Variants in KIAA2012 observed in about 807,000 individuals in gnomAD.
The protein encoded by KIAA2012 is KIAA2012, also known as uncharacterized protein KIAA2012.
KIAA2012 carries 125 observed loss-of-function variants against 150.6 expected under a neutral mutation model. The observed-to-expected ratio is 0.83, with a 90% confidence interval of 0.72 to 0.96. KIAA2012 has a LOEUF of 0.96. KIAA2012 is among the 40% of genes least tolerant of loss of function. The pLI is 0.00. For missense variants in KIAA2012, 1,219 were observed against 1,354.9 expected (o/e 0.90, Z 1.57); for synonymous variants, 462 against 504.7 (o/e 0.92, Z 1.13).
Position 202,073,459 on chromosome 2 carries a change from G to T in KIAA2012, c.-169G>T. 1 of 603,346 alleles carries T rather than the reference G, an allele frequency of 1.7e-6. No individual in the cohort carries two copies. The highest frequency in any genetic ancestry group is 2.9e-6 in the Non-Finnish European group (1 of 340,548). 37.4% of individuals were successfully genotyped at this position (603,346 alleles called of 1,614,324 possible). A position where few individuals can be genotyped will look rare whatever the true frequency, so the allele number is the denominator to read the frequency against. ...ACACACTGTCTAAACTGTGTGGCTG[G>T]TTGTTACTAAGAAGCTGCTGCGAGA... On this transcript the variant is annotated 5_prime_UTR_variant, in exon 1 of 24. Coordinates refer to ENST00000498697, the MANE Select transcript of KIAA2012 (RefSeq NM_001277372.4).
chr2:202,135,858 AG>A (rs913031936), intron 12 of KIAA2012: 1 of 175,596 alleles, frequency 5.7e-6, no homozygotes, highest in Non-Finnish European at 1.2e-5. Context: ...TGTGATGTGG[AG>A]GGGAAAGTGC....
chr2:202,100,569 C>T (rs1690017775), intron 7 of KIAA2012, 120 bp downstream of exon 7: 10 of 1,166,364 alleles, frequency 8.6e-6, no homozygotes, highest in Non-Finnish European at 1.2e-5. Flanking sequence ...GAACTGGCCT[C>T]TCTAGCGTCT....
At chr2:202,200,419 G>A (rs111546612) in intron 22 of KIAA2012, among the ~76,000 whole-genome samples, 1 of 152,070 alleles carries the variant, frequency 6.6e-6, no homozygotes, top group Admixed American at 6.6e-5. Context: ...CAGAAGTAAC[G>A]GGATCTGTGC....
intron 2 of KIAA2012, among the ~76,000 whole-genome samples, chr2:202,081,657 C>T (rs920017995): frequency 8.6e-5 from 13 of 151,540 alleles, no homozygotes; most frequent in African/African-American, 3.2e-4. Flanking sequence ...AAGTGATTCT[C>T]CTGCCTCAGC....
Position 202,109,665 on chromosome 2 carries a change from G to A in KIAA2012, c.1527G>A (p.Pro509=), listed in dbSNP as rs548192812. The A allele has an allele frequency of 2.1e-5, 32 of 1,549,898 alleles. No homozygotes were observed. Among genetic ancestry groups the A allele is most frequent in the Middle Eastern group, 3.3e-4 (2 of 6,018 alleles). Residue 509 remains proline (P), a synonymous_variant, in exon 10 of 24, where the codon CCG becomes CCA. Transcript: ENST00000498697. ...CCCCACCATTGGATCTTCTACCCCC[G>A]ATTAAAGGAAAAAAAAGTCCTGAGA... ...DVAPPLDLLP[P]IKGKKSPESQ... is the part of the protein sequence containing the mutation.
intron 5 of KIAA2012, 23 bp from the exon 6 acceptor site, chr2:202,099,590 A>C: frequency 6.5e-7 from 1 of 1,534,634 alleles, no homozygotes; most frequent in Non-Finnish European, 8.8e-7. Flanking sequence ...TGTTTACAGG[A>C]ATGTGTATCT....
In KIAA2012 at chr2:202,103,059, G is replaced by C. The variant is rs746730281; in HGVS notation, c.1269G>C (p.Pro423=). The change falls in exon 8 of 24, where the codon CCG becomes CCC. Residue 423 remains proline, a synonymous_variant. Transcript: ENST00000498697. ...CCCCAACAGAGCTCTTCATCTTACC[G>C]GTGGAGATTCATTACCACACCAAAC... is the stretch of plus-strand genomic sequence containing the variant. ...NEPPTELFIL[P]VEIHYHTKQP... is the part of the protein sequence containing the mutation. 1 of 1,550,508 alleles carries C rather than the reference G, an allele frequency of 6.4e-7. No homozygotes were observed. The highest frequency in any genetic ancestry group is 1.4e-5 in the African/African-American group (1 of 73,116).
chr2:202,156,992 G>A (rs1323266600), intron 14 of KIAA2012, among the ~76,000 whole-genome samples: 1 of 151,970 alleles, frequency 6.6e-6, no homozygotes, highest in Non-Finnish European at 1.5e-5. Context: ...CACTTTTTTT[G>A]TCCAGCAATT....
intron 2 of KIAA2012, among the ~76,000 whole-genome samples, chr2:202,081,410 C>A (rs987226728): frequency 1.3e-5 from 2 of 152,096 alleles, no homozygotes; most frequent in Non-Finnish European, 2.9e-5. Flanking sequence ...ATTTTTAATT[C>A]TTTGAGGAAC....
chr2:202,105,758 T>TC lies in KIAA2012; in HGVS notation c.1325-3_1325-2insC. On this transcript the variant is annotated splice_polypyrimidine_tract_variant and splice_region_variant and intron_variant, in intron 8 of 23. Transcript: ENST00000498697. Reference sequence around the variant, plus strand: ...ACAATTCAGCCTCCTCTTTGTCTCCTAGGTGCTCCACACCCTGAGTCAGAA... The same window carrying TC: ...ACAATTCAGCCTCCTCTTTGTCTCCTCAGGTGCTCCACACCCTGAGTCAGAA... The TC allele has an allele frequency of 6.5e-7, 1 of 1,550,258 alleles. No homozygotes were observed. Among genetic ancestry groups the TC allele is most frequent in the South Asian group, 1.2e-5 (1 of 84,018 alleles).
At chr2:202,097,199 A>C (rs1689906849) in intron 4 of KIAA2012, among the ~76,000 whole-genome samples, 1 of 152,332 alleles carries the variant, frequency 6.6e-6, no homozygotes, top group Admixed American at 6.5e-5. Flanking sequence ...AACTGTGTCC[A>C]AGAAGTGAAG....
At chr2:202,130,230 ACTCT>A (rs910701898) in intron 12 of KIAA2012, among the ~76,000 whole-genome samples, 8 of 152,046 alleles carry the variant, frequency 5.3e-5, no homozygotes, top group African/African-American at 7.3e-5. Context: ...AGTCCAAAGA[ACTCT>A]CTCTCTTTTT....
At chr2:202,123,811 C>T (rs1055206533) in intron 11 of KIAA2012, among the ~76,000 whole-genome samples, 1 of 152,106 alleles carries the variant, frequency 6.6e-6, no homozygotes, top group Admixed American at 6.6e-5. Context: ...GCTCTCTCCC[C>T]GATATCTCAC....
intron 17 of KIAA2012, among the ~76,000 whole-genome samples, chr2:202,187,935 T>G (rs998008456): frequency 6.6e-6 from 1 of 152,184 alleles, no homozygotes; most frequent in Non-Finnish European, 1.5e-5. Flanking sequence ...CTCTTTCCTC[T>G]TATGAAATTA....
At chr2:202,166,735 C>T (rs1480035040) in intron 15 of KIAA2012, among the ~76,000 whole-genome samples, 1 of 151,238 alleles carries the variant, frequency 6.6e-6, no homozygotes, top group Non-Finnish European at 1.5e-5. Flanking sequence ...GGATTTTTTT[C>T]CTACTCTAAA....
intron 9 of KIAA2012, among the ~76,000 whole-genome samples, chr2:202,106,776 T>C (rs1690206904): frequency 6.6e-6 from 1 of 152,196 alleles, no homozygotes; most frequent in South Asian, 2.1e-4. Context: ...TTTGAAATTA[T>C]ACACATGGGT....
intron 14 of KIAA2012, among the ~76,000 whole-genome samples, chr2:202,157,360 C>T (rs1436036085): frequency 6.6e-6 from 1 of 152,202 alleles, no homozygotes; most frequent in East Asian, 1.9e-4. Flanking sequence ...TGTGTGGAAA[C>T]CAACTCATCC....
intron 14 of KIAA2012, among the ~76,000 whole-genome samples, chr2:202,162,654 C>G (rs1341702031): frequency 6.7e-6 from 1 of 150,248 alleles, no homozygotes; most frequent in Non-Finnish European, 1.5e-5. Flanking sequence ...GCTTGTAGGC[C>G]AGGCGCAGTG....
intron 21 of KIAA2012, among the ~76,000 whole-genome samples, chr2:202,195,672 C>T (rs1052341556): frequency 3.3e-5 from 5 of 152,160 alleles, no homozygotes; most frequent in Non-Finnish European, 5.9e-5. Flanking sequence ...CTCTCCCTAC[C>T]CACCTCCACC....
Sources: allele counts gnomAD v4.1 joint callset (sites outside exome capture counted in the v4.1 genomes callset), GRCh38; gene constraint gnomAD v4.1.1; transcripts MANE v1.5; gene names NCBI Gene and HGNC (gene_info 2026-07-23, HGNC 2026-07-21).